The following SLC38A8 variants were observed in gnomAD, a reference collection of about 807,000 sequenced individuals.
SLC38A8 encodes solute carrier family 38 member 8, also known as amino acid transporter SLC38A8.
In SLC38A8, 65 loss-of-function variants were observed where a neutral mutation model predicts 46.0. The ratio of observed to expected loss-of-function variants is 1.41; its 90% CI spans 1.16 to 1.74. SLC38A8 has a LOEUF of 1.74. Ranked by LOEUF, SLC38A8 falls within the 40% of genes most tolerant of loss-of-function variation. The pLI is 0.00. For missense variants in SLC38A8, 998 were observed against 567.9 expected, an observed-to-expected ratio of 1.76 and a Z score of -7.70; for synonymous variants, 447 against 243.7, an observed-to-expected ratio of 1.83 and a Z score of -7.77.
chr16:84,024,855 A>G (rs2085143170), intron 6 of SLC38A8, among the ~76,000 whole-genome samples: 2 of 151,716 alleles, frequency 1.3e-5, no homozygotes, highest in African/African-American at 4.8e-5. Context: ...AATTTTTTAT[A>G]TTTTTGGTAG....
At position 84,033,451 on chromosome 16, in the gene SLC38A8, G is replaced by C. The variant is rs368593262; in HGVS notation, c.407C>G (p.Ser136Cys). The change falls in exon 4 of 11, where the codon TCT becomes TGT. Residue 136 changes from serine (S) to cysteine (C), a missense_variant. By Grantham distance (112) the Ser-to-Cys change is moderately radical. Coordinates refer to ENST00000299709, the MANE Select transcript of SLC38A8 (RefSeq NM_001080442.3). ...CGGCTGCGGGGCGGGCGGGGTGCCA[G>C]ACAGGAGGGAGTCACACACTGCCAG... The part of the protein sequence containing the change: ...QLEKLCDSLL[S>C]GTPPAPQPWY... The C allele has an allele frequency of 1.2e-6, 2 of 1,608,274 alleles. No homozygotes were observed. Among genetic ancestry groups the C allele is most frequent in the East Asian group, 2.2e-5 (1 of 44,826 alleles).
intron 9 of SLC38A8, among the ~76,000 whole-genome samples, chr16:84,014,065 T>G (rs2084993153): frequency 6.6e-6 from 1 of 150,452 alleles, no homozygotes; most frequent in African/African-American, 2.5e-5. Context: ...CTCTCATCTC[T>G]GAAAGGCCCG....
At position 84,033,394 on chromosome 16, in the gene SLC38A8, A is replaced by G. The variant is rs569222318; in HGVS notation, c.464T>C (p.Leu155Pro). Reference sequence around the variant, plus strand: ...GGGCAGGATGACCAGCACGGAGAGCAGGGGCAGGGTGAAGCGCTGGTCTGC... The same window carrying G: ...GGGCAGGATGACCAGCACGGAGAGCGGGGGCAGGGTGAAGCGCTGGTCTGC... ...WYADQRFTLP[L>P]LSVLVILPLS... Residue 155 changes from leucine (L) to proline (P), a missense_variant, in exon 4 of 11, where the codon CTG (leucine) becomes CCG (proline). Leu to Pro is a moderately conservative substitution (Grantham distance 98). Transcript: ENST00000299709. 8 of 1,613,994 alleles carry G rather than the reference A, an allele frequency of 5.0e-6. No individual in the cohort carries two copies. The East Asian group carries it at 1.8e-4, about 36-fold the overall frequency.
Position 84,031,941 on chromosome 16 carries a change from G to A in SLC38A8, c.558C>T (p.Tyr186=), listed in dbSNP as rs1251780383. The change falls in exon 5 of 11, where the codon TAC becomes TAT. Residue 186 remains tyrosine (Y), a synonymous_variant. Transcript: ENST00000299709. ...TSILGTLAAC[Y]LALVITVQYY... ...ACTGCACGGTGATGACCAGGGCCAG[G>A]TAACAGGCAGCCAGAGTGCCTAGGA... The A allele has an allele frequency of 5.6e-6, 9 of 1,614,104 alleles. No individual in the cohort carries two copies. The highest frequency in any genetic ancestry group is 7.6e-6 in the Non-Finnish European group (9 of 1,180,046).
At chr16:84,022,287 C>T (rs1476160698) in intron 7 of SLC38A8, among the ~76,000 whole-genome samples, 1 of 152,232 alleles carries the variant, frequency 6.6e-6, no homozygotes, top group Non-Finnish European at 1.5e-5. Flanking sequence ...CCTTCCAATG[C>T]ACTGTACGAT....
rs543867936 is a variant in SLC38A8, at chr16:84,010,655, A to C, written c.1215-778T>G. ...CCAGCTATGTGGGAGGCTGAGGCAG[A>C]ATTGCTTGAACCCGGGAGGCAGAGG... is the stretch of plus-strand genomic sequence containing the variant. On this transcript the variant is annotated intron_variant, in intron 10 of 10. Coordinates refer to ENST00000299709, the MANE Select transcript of SLC38A8 (RefSeq NM_001080442.3). 3.1e-3 allele frequency among the ~76,000 whole-genome samples: 475 copies of C among 152,266 alleles called. 5 individuals carry two copies. The highest frequency in any genetic ancestry group is 0.011 in the African/African-American group (464 of 41,552).
rs907365697 is a variant in SLC38A8 at position 84,022,697 on chromosome 16, C to T, written c.805+78G>A. On this transcript the variant is annotated intron_variant, in intron 7 of 10. Coordinates refer to ENST00000299709, the MANE Select transcript of SLC38A8 (RefSeq NM_001080442.3). ...TTGAGCCCAGCACGTGGTAAACTCT[C>T]TAGAGAGATACTCGCTGTTACTCTT... 4.4e-6 allele frequency: 5 copies of T among 1,138,232 alleles called. No individual in the cohort carries two copies. In the African/African-American group the frequency reaches 7.7e-5, roughly 17 times the overall value. The allele number at this position is 1,138,232 out of a possible 1,614,324, so 70.5% of individuals were successfully genotyped here.
rs756681912 is a variant in SLC38A8, at chr16:84,033,329, T to G, written c.529A>C (p.Ser177Arg). Reference protein sequence around the residue: ...PREIAFQKYTSILGTLAACYL... With the variant: ...PREIAFQKYTRILGTLAACYL... Reference sequence around the variant, plus strand: ...ACCAGGCAGCATCCCAGCCCTTACCTTGTGTATTTCTGGAAGGCGATCTCC... The same window carrying G: ...ACCAGGCAGCATCCCAGCCCTTACCGTGTGTATTTCTGGAAGGCGATCTCC... Residue 177 changes from serine to arginine, a missense_variant and splice_region_variant, in exon 4 of 11, where the codon AGC (serine) becomes CGC (arginine). Coordinates refer to ENST00000299709, the MANE Select transcript of SLC38A8 (RefSeq NM_001080442.3). The G allele has an allele frequency of 6.2e-7, 1 of 1,613,978 alleles. No homozygotes were observed. The highest frequency in any genetic ancestry group is 1.7e-5 in the Admixed American group (1 of 60,008).
intron 7 of SLC38A8, 93 bp from the exon 8 acceptor site, chr16:84,017,380 C>G (rs2085043300): frequency 1.4e-6 from 2 of 1,457,192 alleles, no homozygotes; most frequent in Non-Finnish European, 1.9e-6. Flanking sequence ...GCTTTACCAC[C>G]TAAGATTTTC....
intron 7 of SLC38A8, among the ~76,000 whole-genome samples, chr16:84,018,133 T>C (rs2085052797): frequency 6.6e-6 from 1 of 151,294 alleles, no homozygotes; most frequent in Non-Finnish European, 1.5e-5. Context: ...GTGCCCACAC[T>C]GGTGAGGGCC....
rs771067434 is a variant in SLC38A8, at chr16:84,042,184, GA to G, written c.-2-26del. The G allele has an allele frequency of 5.7e-6, 9 of 1,589,260 alleles. No homozygotes were observed. In the East Asian group the frequency reaches 2.0e-4, roughly 36 times the overall value. On this transcript the variant is annotated intron_variant, in intron 1 of 10. Transcript: ENST00000299709. The stretch of plus-strand genomic sequence containing the variant: ...GCTAGAGGCGGCAGAGGGGTGGAGA[GA>G]AAGCACAGTCTTCACGCTTTCCTCC...
intron 2 of SLC38A8, 83 bp downstream of exon 2, chr16:84,041,886 G>T: frequency 7.8e-7 from 1 of 1,282,310 alleles, no homozygotes; most frequent in Non-Finnish European, 1.1e-6. Context: ...ACGCAACTCC[G>T]CAGAAGCAAT....
At chr16:84,014,440 C>A (rs557470952) in intron 9 of SLC38A8, among the ~76,000 whole-genome samples, 1 of 152,166 alleles carries the variant, frequency 6.6e-6, no homozygotes, top group Admixed American at 6.5e-5. Context: ...ACACCCCTCA[C>A]CTCTGAAAGC....
At chr16:84,041,693 G>C (rs575818882) in intron 2 of SLC38A8, among the ~76,000 whole-genome samples, 1 of 152,176 alleles carries the variant, frequency 6.6e-6, no homozygotes, top group Non-Finnish European at 1.5e-5. Flanking sequence ...TTCCTTCCCA[G>C]GTGAAATGCC....
At chr16:84,030,796 A>C (rs1299946263) in intron 5 of SLC38A8, among the ~76,000 whole-genome samples, 1 of 152,186 alleles carries the variant, frequency 6.6e-6, no homozygotes, top group Non-Finnish European at 1.5e-5. Flanking sequence ...ATTTTAAGAC[A>C]GTGACATCAG....
Position 84,011,909 on chromosome 16 carries a change from G to A in SLC38A8, c.1214+1092C>T, listed in dbSNP as rs538901149. 9.9e-5 allele frequency among the ~76,000 whole-genome samples: 15 copies of A among 152,220 alleles called. No individual in the cohort carries two copies. In the South Asian group the frequency reaches 2.7e-3, roughly 27 times the overall value. ...AAAAACTAAAATAAATAAAAGCAGA[G>A]GGATTTCTGAGACGCAGAGACACAG... On this transcript the variant is annotated intron_variant, in intron 10 of 10. Transcript: ENST00000299709.
At position 84,042,144 on chromosome 16, in the gene SLC38A8, G is replaced by A. The variant is rs73254348; in HGVS notation, c.14C>T (p.Thr5Ile). The A allele has an allele frequency of 8.0e-4, 1,292 of 1,612,288 alleles. 6 individuals are homozygous for A. The highest frequency in any genetic ancestry group is 6.2e-3 in the African/African-American group (468 of 74,970). Residue 5 changes from threonine to isoleucine, a missense_variant, in exon 2 of 11, where the codon ACC (threonine) becomes ATC (isoleucine). Transcript: ENST00000299709. ...TTCTGGAAGGCCCCTGCTTCCTGGG[G>A]TCTGTCCCTCCATGGCTAGAGGCGG... MEGQ[T>I]PGSRGLPEKP...
intron 7 of SLC38A8, among the ~76,000 whole-genome samples, chr16:84,017,928 C>A (rs1285825741): frequency 6.6e-6 from 1 of 152,194 alleles, no homozygotes; most frequent in South Asian, 2.1e-4. Flanking sequence ...CACTGAGTCA[C>A]ACCCTCTGAC....
intron 7 of SLC38A8, among the ~76,000 whole-genome samples, chr16:84,017,664 T>G (rs746750696): frequency 6.6e-6 from 1 of 152,278 alleles, no homozygotes; most frequent in South Asian, 2.1e-4. Flanking sequence ...TGTGCACACA[T>G]TTCCAAATGG....
Sources: allele counts gnomAD v4.1 joint callset (sites outside exome capture counted in the v4.1 genomes callset), GRCh38; gene constraint gnomAD v4.1.1; transcripts MANE v1.5; gene names NCBI Gene and HGNC (gene_info 2026-07-23, HGNC 2026-07-21).